FAM47E: variants seen among roughly 807,000 people sequenced by gnomAD.
FAM47E encodes the protein family with sequence similarity 47 member E, also known as protein FAM47E.
FAM47E carries 32 observed loss-of-function variants against 41.6 expected under a neutral mutation model. The ratio of observed to expected loss-of-function variants is 0.77; its 90% CI spans 0.58 to 1.03. The LOEUF (loss-of-function observed/expected upper bound fraction) is 1.03, where lower values mean the gene tolerates loss of function less well. Among genes scored for constraint, FAM47E ranks in the 50% least tolerant of loss-of-function variants. The probability of loss-of-function intolerance (pLI) is 0.00; values close to 1 mark genes in which losing one functional copy is unlikely to be tolerated. For missense variants in FAM47E, 424 were observed against 485.4 expected, an observed-to-expected ratio of 0.87 and a Z score of 1.19; for synonymous variants, 184 against 188.7, an observed-to-expected ratio of 0.98 and a Z score of 0.20.
intron 2 of FAM47E, among the ~76,000 whole-genome samples, chr4:76,240,523 C>T (rs1248588143): frequency 3.9e-5 from 6 of 152,112 alleles, no homozygotes; most frequent in African/African-American, 1.2e-4. Context: ...CCCCATAAAG[C>T]CTGTGTGGGG....
chr4:76,234,915 T>C (rs928349529), intron 2 of FAM47E, among the ~76,000 whole-genome samples: 2 of 152,126 alleles, frequency 1.3e-5, no homozygotes, highest in African/African-American at 2.4e-5. Context: ...AGCAAGACTC[T>C]GTCTCTCAAA....
intron 2 of FAM47E, among the ~76,000 whole-genome samples, chr4:76,241,365 G>A (rs188892777): frequency 5.3e-4 from 81 of 152,268 alleles, no homozygotes; most frequent in South Asian, 1.0e-3. Context: ...CACAATGGGG[G>A]GGAAGGTGCA....
intron 2 of FAM47E, 138 bp downstream of exon 2, chr4:76,256,661 C>A: frequency 9.1e-7 from 1 of 1,096,936 alleles, no homozygotes; most frequent in Non-Finnish European, 1.3e-6. Context: ...GATGCGAGTT[C>A]TTATGGGCCT....
intron 2 of FAM47E, among the ~76,000 whole-genome samples, chr4:76,245,086 C>T (rs1170649608): frequency 6.6e-6 from 1 of 152,108 alleles, no homozygotes; most frequent in Admixed American, 6.5e-5. Flanking sequence ...CACATTGCCC[C>T]CAACTCACCA....
intron 2 of FAM47E, among the ~76,000 whole-genome samples, chr4:76,237,027 C>T (rs1198431136): frequency 2.6e-5 from 4 of 151,430 alleles, no homozygotes; most frequent in African/African-American, 9.7e-5. Context: ...TCCTGAGTAG[C>T]TGGGACTACA....
chr4:76,266,696 A>G (rs1326044214), intron 3 of FAM47E, among the ~76,000 whole-genome samples: 1 of 152,120 alleles, frequency 6.6e-6, no homozygotes, highest in Non-Finnish European at 1.5e-5. Flanking sequence ...AGATTCTCCA[A>G]TTGCTTATTT....
intron 5 of FAM47E, among the ~76,000 whole-genome samples, chr4:76,277,361 C>T (rs1735165670): frequency 1.3e-5 from 2 of 152,014 alleles, no homozygotes; most frequent in South Asian, 4.1e-4. Context: ...TGGTGGGCGC[C>T]TGTAGTCCCA....
At chr4:76,246,764 T>C (rs186695404), upstream of FAM47E, among the ~76,000 whole-genome samples, 1 of 152,142 alleles carries the variant, frequency 6.6e-6, no homozygotes, top group Non-Finnish European at 1.5e-5. Context: ...TAAAACTTCA[T>C]GTTAATAGGA....
At chr4:76,224,242 T>C (rs996208714) in intron 2 of FAM47E, among the ~76,000 whole-genome samples, 1 of 152,190 alleles carries the variant, frequency 6.6e-6, no homozygotes, top group African/African-American at 2.4e-5. Context: ...TCATCCGAAA[T>C]TCACGGGATA....
upstream of FAM47E, among the ~76,000 whole-genome samples, chr4:76,246,951 A>G (rs1733841638): frequency 1.3e-5 from 2 of 152,106 alleles, no homozygotes; most frequent in Non-Finnish European, 1.5e-5. Context: ...GTCAAAATAT[A>G]TGTAACATGA....
intron 2 of FAM47E, among the ~76,000 whole-genome samples, chr4:76,223,981 G>A (rs1463653013): frequency 2.6e-5 from 4 of 152,068 alleles, no homozygotes; most frequent in African/African-American, 4.8e-5. Context: ...GATGATGTTG[G>A]GGGAATGTAA....
chr4:76,251,711 C>T, upstream of FAM47E: 1 of 1,459,566 alleles, frequency 6.9e-7, no homozygotes, highest in African/African-American at 1.5e-5. Flanking sequence ...CACACACCGC[C>T]CAAGCCCGGA....
chr4:76,250,630 T>A (rs1459416782), upstream of FAM47E, among the ~76,000 whole-genome samples: 1 of 152,186 alleles, frequency 6.6e-6, no homozygotes, highest in Non-Finnish European at 1.5e-5. Flanking sequence ...TAACCATACT[T>A]TTGGCCCAGT....
intron 2 of FAM47E, among the ~76,000 whole-genome samples, chr4:76,243,315 A>C (rs4859642): frequency 0.51 from 77,868 of 152,050 alleles, 21,847 homozygotes; most frequent in Non-Finnish European, 0.62. Context: ...TATAGCTGGC[A>C]AATAAATCAG....
chr4:76,272,766 T>C (rs906904790), intron 5 of FAM47E, among the ~76,000 whole-genome samples: 2 of 152,190 alleles, frequency 1.3e-5, no homozygotes, highest in African/African-American at 4.8e-5. Context: ...ATTGCTCAAT[T>C]CCCTGTATTT....
intron 2 of FAM47E, among the ~76,000 whole-genome samples, chr4:76,238,893 T>A (rs1263056546): frequency 6.6e-6 from 1 of 152,136 alleles, no homozygotes; most frequent in Non-Finnish European, 1.5e-5. Context: ...CAAAACTGTA[T>A]TCATTAAGCA....
chr4:76,216,442 G>A (rs1733209459), intron 1 of FAM47E, among the ~76,000 whole-genome samples: 1 of 152,114 alleles, frequency 6.6e-6, no homozygotes, highest in African/African-American at 2.4e-5. Context: ...GCTCCATTCT[G>A]GAGGGCAAAC....
chr4:76,268,865 G>T (rs1424398356), intron 4 of FAM47E, 97 bp downstream of exon 4: 2 of 1,474,614 alleles, frequency 1.4e-6, no homozygotes, highest in Non-Finnish European at 9.1e-7. Context: ...GCTCAAAGTT[G>T]CTTTTATTAA....
At chr4:76,214,751 G>T (rs1310018624) in intron 1 of FAM47E, among the ~76,000 whole-genome samples, 1 of 152,198 alleles carries the variant, frequency 6.6e-6, no homozygotes, top group Non-Finnish European at 1.5e-5. Flanking sequence ...TCTTTGCACA[G>T]TTCTACTCAT....
Sources: allele counts gnomAD v4.1 joint callset (sites outside exome capture counted in the v4.1 genomes callset), GRCh38; gene constraint gnomAD v4.1.1; transcripts MANE v1.5; gene names NCBI Gene and HGNC (gene_info 2026-07-23, HGNC 2026-07-21).